Variants in MAGI2 observed in about 807,000 individuals in gnomAD.
The protein encoded by MAGI2 is membrane associated guanylate kinase, WW and PDZ domain containing 2.
In MAGI2, 35 loss-of-function variants were observed where a neutral mutation model predicts 133.3. That is an observed-to-expected ratio of 0.26 (90% confidence interval 0.20 to 0.35). The LOEUF (loss-of-function observed/expected upper bound fraction) is 0.35, where lower values mean the gene tolerates loss of function less well. Ranked by LOEUF, MAGI2 falls within the 10% of genes least tolerant of loss-of-function variation. The pLI is 1.00. For missense variants in MAGI2, 1,636 were observed against 1,863.4 expected (o/e 0.88, Z 2.25); for synonymous variants, 729 against 710.6 (o/e 1.03, Z -0.41).
At chr7:79,200,394 G>A (rs986345979) in intron 1 of MAGI2, among the ~76,000 whole-genome samples, 2 of 151,086 alleles carry the variant, frequency 1.3e-5, no homozygotes, top group Non-Finnish European at 2.9e-5. Context: ...CTTATGCTCA[G>A]GAATTTGAGA....
chr7:79,066,415 A>AT (rs940284596), intron 1 of MAGI2, among the ~76,000 whole-genome samples: 251 of 148,396 alleles, frequency 1.7e-3, no homozygotes, highest in African/African-American at 5.5e-3. Context: ...TGATGGGGTT[A>AT]TTTTTTTTTC....
chr7:79,291,516 T>C (rs1325905595), intron 1 of MAGI2, among the ~76,000 whole-genome samples: 1 of 152,178 alleles, frequency 6.6e-6, no homozygotes, highest in Non-Finnish European at 1.5e-5. Context: ...AGCTCTACAA[T>C]TTTACAATCC....
intron 2 of MAGI2, among the ~76,000 whole-genome samples, chr7:78,965,971 C>T (rs1006309455): frequency 3.3e-5 from 5 of 151,952 alleles, no homozygotes; most frequent in African/African-American, 1.2e-4. Flanking sequence ...ACTGAGGCCT[C>T]TAAAGTATTC....
At position 79,182,955 on chromosome 7, in the gene MAGI2, A is replaced by G. The variant is rs116232456; in HGVS notation, c.302-175749T>C. Among the ~76,000 whole-genome samples, 1,318 of 152,048 alleles carry G rather than the reference A, an allele frequency of 8.7e-3. 29 individuals are homozygous for G. Among genetic ancestry groups the G allele is most frequent in the African/African-American group, 0.03 (1,262 of 41,390 alleles). ...ATAAGCCATGCATAGAAAGACAAAT[A>G]TTGCATTTTCTCATTCCCATATGTG... On this transcript the variant is annotated intron_variant, in intron 1 of 21. Transcript: ENST00000354212.
intron 2 of MAGI2, among the ~76,000 whole-genome samples, chr7:78,911,711 T>A (rs1798413960): frequency 6.6e-6 from 1 of 152,048 alleles, no homozygotes; most frequent in Non-Finnish European, 1.5e-5. Flanking sequence ...TGCTTAACTT[T>A]TATTTTAGGT....
chr7:79,015,996 AGCGGG>A lies in MAGI2; in HGVS notation c.302-8795_302-8791del, dbSNP rs1394273336. Among the ~76,000 whole-genome samples the A allele has an allele frequency of 2.7e-3, 87 of 32,306 alleles. 2 individuals carry two copies. Among genetic ancestry groups the A allele is most frequent in the African/African-American group, 7.4e-3 (78 of 10,556 alleles). The allele number at this position is 32,306 out of a possible 152,430, so 21.2% of individuals were successfully genotyped here. A position where few individuals can be genotyped will look rare whatever the true frequency, so the allele number is the denominator to read the frequency against. On this transcript the variant is annotated intron_variant, in intron 1 of 21. Transcript: ENST00000354212. ...TCTAGCCCTCAATGACTCCTGGAGA[AGCGGG>A]GGGGGGGGGTGGGGGTTGAGCAGGC...
rs542231050 is a variant in MAGI2 at position 78,520,210 on chromosome 7, A to C, written c.754+1220T>G. The stretch of plus-strand genomic sequence containing the variant: ...TCAAGATGAAAGCACCTTAGGTTTT[A>C]TACCTTGATTAGCACAAATTCGATT... On this transcript the variant is annotated intron_variant, in intron 4 of 21. Coordinates refer to ENST00000354212, the MANE Select transcript of MAGI2 (RefSeq NM_012301.4). Among the ~76,000 whole-genome samples, 6 of 152,318 alleles carry C rather than the reference A, an allele frequency of 3.9e-5. No homozygotes were observed. The South Asian group carries it at 6.2e-4, about 16-fold the overall frequency.
intron 9 of MAGI2, among the ~76,000 whole-genome samples, chr7:78,306,975 T>C (rs1021246068): frequency 1.3e-5 from 2 of 152,160 alleles, no homozygotes; most frequent in Admixed American, 1.3e-4. Flanking sequence ...TGTTAAACCA[T>C]CATTGCCATT....
Position 79,452,098 on chromosome 7 carries a change from G to T in MAGI2, c.301+922C>A, listed in dbSNP as rs1849310026. ...AGGGAGCCTGGGCTGGAACCGGCCA[G>T]GGTTTCATCCAGCTCCTCCCCCAAA... On this transcript the variant is annotated intron_variant, in intron 1 of 21. Transcript: ENST00000354212. Among the ~76,000 whole-genome samples, 3 of 152,292 alleles carry T rather than the reference G, an allele frequency of 2.0e-5. No individual in the cohort carries two copies. In the South Asian group the frequency reaches 6.2e-4, roughly 32 times the overall value.
chr7:79,305,659 C>G (rs1440760781), intron 1 of MAGI2, among the ~76,000 whole-genome samples: 1 of 151,962 alleles, frequency 6.6e-6, no homozygotes, highest in Non-Finnish European at 1.5e-5. Context: ...ACCTGTACTC[C>G]CAGCACTTTG....
chr7:79,389,216 C>T (rs1844425731), intron 1 of MAGI2, among the ~76,000 whole-genome samples: 1 of 151,904 alleles, frequency 6.6e-6, no homozygotes, highest in Admixed American at 6.6e-5. Context: ...TTAATTTTAA[C>T]ATTGACAGAT....
At chr7:79,263,424 C>A (rs1463703703) in intron 1 of MAGI2, among the ~76,000 whole-genome samples, 1 of 152,100 alleles carries the variant, frequency 6.6e-6, no homozygotes, top group Non-Finnish European at 1.5e-5. Flanking sequence ...GGTTTCCCAG[C>A]TGACACCAGG....
chr7:78,970,759 A>G (rs1803718433), intron 2 of MAGI2, among the ~76,000 whole-genome samples: 1 of 152,084 alleles, frequency 6.6e-6, no homozygotes, highest in Non-Finnish European at 1.5e-5. Context: ...GCTCACAAGA[A>G]ACTAAGTTTT....
chr7:78,664,563 A>C (rs955393102), intron 2 of MAGI2, among the ~76,000 whole-genome samples: 2 of 151,860 alleles, frequency 1.3e-5, no homozygotes, highest in Non-Finnish European at 2.9e-5. Context: ...CTTTTGAATA[A>C]TTTTCTTGGT....
In MAGI2 at chr7:78,497,722, T is replaced by TCTATCTA. The variant is rs1794221181; in HGVS notation, c.965+3854_965+3855insTAGATAG. Among the ~76,000 whole-genome samples the TCTATCTA allele has an allele frequency of 7.2e-5, 7 of 97,202 alleles. No individual in the cohort carries two copies. The East Asian group carries it at 1.3e-3, about 18-fold the overall frequency. The allele number at this position is 97,202 out of a possible 152,430, so 63.8% of individuals were successfully genotyped here. On this transcript the variant is annotated intron_variant, in intron 5 of 21. Coordinates refer to ENST00000354212, the MANE Select transcript of MAGI2 (RefSeq NM_012301.4). ...CCTTTATGCTATTCAGAAATAACTA[T>TCTATCTA]TCTATCTATCTATCTATCTATCTAT...
At chr7:79,016,583 C>A (rs1808757522) in intron 1 of MAGI2, among the ~76,000 whole-genome samples, 1 of 152,142 alleles carries the variant, frequency 6.6e-6, no homozygotes, top group African/African-American at 2.4e-5. Context: ...ACAACCACCC[C>A]CCTACATTGC....
intron 4 of MAGI2, among the ~76,000 whole-genome samples, chr7:78,502,838 G>A (rs1178717774): frequency 6.6e-6 from 1 of 152,108 alleles, no homozygotes; most frequent in Non-Finnish European, 1.5e-5. Context: ...TCCAGAATGA[G>A]AAGAAGGAAC....
intron 1 of MAGI2, among the ~76,000 whole-genome samples, chr7:79,170,880 C>T (rs1825473232): frequency 6.6e-6 from 1 of 152,188 alleles, no homozygotes; most frequent in East Asian, 1.9e-4. Context: ...TAATAGAGTG[C>T]ATTCATTCCA....
chr7:78,079,716 G>A (rs1815747764), intron 20 of MAGI2, among the ~76,000 whole-genome samples: 1 of 152,172 alleles, frequency 6.6e-6, no homozygotes, highest in Non-Finnish European at 1.5e-5. Flanking sequence ...CTAATGCCCT[G>A]GCTAAATCTT....
Sources: allele counts gnomAD v4.1 joint callset (sites outside exome capture counted in the v4.1 genomes callset), GRCh38; gene constraint gnomAD v4.1.1; transcripts MANE v1.5; gene names NCBI Gene and HGNC (gene_info 2026-07-23, HGNC 2026-07-21).